OTUD7A: variants seen among roughly 807,000 people sequenced by gnomAD.
OTUD7A encodes the protein OTU domain-containing protein 7A.
In OTUD7A, 12 loss-of-function variants were observed where a neutral mutation model predicts 65.7. The observed-to-expected ratio is 0.18, with a 90% CI of 0.12 to 0.30. The LOEUF (loss-of-function observed/expected upper bound fraction) is 0.30. Among genes scored for constraint, OTUD7A ranks in the 10% least tolerant of loss-of-function variants. OTUD7A has a pLI of 1.00. For synonymous variants in OTUD7A, 641 were observed against 586.3 expected (o/e 1.09, Z -1.35); for missense variants, 1,148 against 1,304.8 (o/e 0.88, Z 1.85).
chr15:31,477,350 G>C lies in OTUD7A; in HGVS notation c.*5944C>G, dbSNP rs1454733444. 6.6e-6 allele frequency: 1 copy of C among 152,282 alleles called. No homozygotes were observed. Among genetic ancestry groups the C allele is most frequent in the African/African-American group, 2.4e-5 (1 of 41,454 alleles). The allele number at this position is 152,282 out of a possible 1,614,324, so 9.4% of individuals were successfully genotyped here. A position where few individuals can be genotyped will look rare whatever the true frequency, so the allele number is the denominator to read the frequency against. On this transcript the variant is annotated 3_prime_UTR_variant, in exon 13 of 13. Coordinates refer to ENST00000307050, the MANE Select transcript of OTUD7A (RefSeq NM_001382637.1). ...TCCAGGTCTACAGTGACCTCATGGAGTGATGGGAACCCACTACTGTGCATC... is the reference window on the plus strand; with the variant it reads ...TCCAGGTCTACAGTGACCTCATGGACTGATGGGAACCCACTACTGTGCATC...
chr15:31,532,795 G>T (rs1245990531), intron 5 of OTUD7A, among the ~76,000 whole-genome samples: 1 of 151,902 alleles, frequency 6.6e-6, no homozygotes, highest in Non-Finnish European at 1.5e-5. Context: ...TTAGCTGGGC[G>T]TGGTGGCGGG....
intron 3 of OTUD7A, among the ~76,000 whole-genome samples, chr15:31,641,347 T>C (rs1270923119): frequency 2.0e-5 from 3 of 152,240 alleles, no homozygotes; most frequent in African/African-American, 4.8e-5. Context: ...GTCTTGGGTA[T>C]TTCTTCATAG....
intron 1 of OTUD7A, among the ~76,000 whole-genome samples, chr15:31,846,543 A>G (rs1276839737): frequency 6.6e-6 from 1 of 152,112 alleles, no homozygotes; most frequent in Non-Finnish European, 1.5e-5. Context: ...CTCGTCTCCA[A>G]TGACCTGCCA....
chr15:31,611,582 A>G (rs1181513273), intron 3 of OTUD7A, among the ~76,000 whole-genome samples: 1 of 152,170 alleles, frequency 6.6e-6, no homozygotes, highest in African/African-American at 2.4e-5. Flanking sequence ...TTCCTGGAAA[A>G]ATACAACCCT....
In OTUD7A at chr15:31,755,387, T is replaced by A. The variant is rs143797601; in HGVS notation, c.-99-98310A>T. Among the ~76,000 whole-genome samples, 172 of 152,138 alleles carry A rather than the reference T, an allele frequency of 1.1e-3. No individual in the cohort carries two copies. In the East Asian group the frequency reaches 0.023, roughly 21 times the overall value. ...GTCCATTAGTATCAGATAGGAAGCA[T>A]CATGTAAGGAAAACCTAAACTGTGC... On this transcript the variant is annotated intron_variant, in intron 1 of 12. Transcript: ENST00000307050.
intron 3 of OTUD7A, among the ~76,000 whole-genome samples, chr15:31,621,413 T>C (rs1890779321): frequency 6.6e-6 from 1 of 152,188 alleles, no homozygotes. Context: ...AGTCTCTTTG[T>C]AGGTCTCTAA....
intron 1 of OTUD7A, among the ~76,000 whole-genome samples, chr15:31,714,429 G>T (rs1387266903): frequency 1.3e-5 from 2 of 152,112 alleles, no homozygotes; most frequent in African/African-American, 2.4e-5. Flanking sequence ...AAAGGAGAAA[G>T]AATAGGGAGA....
chr15:31,591,705 G>A (rs1352496496), intron 3 of OTUD7A, among the ~76,000 whole-genome samples: 1 of 152,118 alleles, frequency 6.6e-6, no homozygotes, highest in East Asian at 1.9e-4. Context: ...TAATATACAT[G>A]TACATGCACA....
At chr15:31,571,173 T>C (rs1282417297) in intron 3 of OTUD7A, among the ~76,000 whole-genome samples, 1 of 152,126 alleles carries the variant, frequency 6.6e-6, no homozygotes. Context: ...TGTATGTATA[T>C]ATCAATACAT....
At chr15:31,724,727 T>C (rs1419549258) in intron 1 of OTUD7A, among the ~76,000 whole-genome samples, 1 of 152,162 alleles carries the variant, frequency 6.6e-6, no homozygotes, top group Non-Finnish European at 1.5e-5. Context: ...GAAACCAATG[T>C]GAAAGGACCA....
rs1334691042 is a variant in OTUD7A, at chr15:31,481,288, A to G, written c.*2006T>C. ...TTAAGGTTGGGTGTCTCAATCTTTT[A>G]AGAGTGACGAGCATGAGGAGTGGCT... On this transcript the variant is annotated 3_prime_UTR_variant, in exon 13 of 13. Transcript: ENST00000307050. 6.6e-6 allele frequency: 1 copy of G among 152,214 alleles called. No homozygotes were observed. The highest frequency in any genetic ancestry group is 1.9e-4 in the East Asian group (1 of 5,194). 9.4% of individuals were successfully genotyped at this position (152,214 alleles called of 1,614,324 possible). A position where few individuals can be genotyped will look rare whatever the true frequency, so the allele number is the denominator to read the frequency against.
intron 3 of OTUD7A, among the ~76,000 whole-genome samples, chr15:31,618,349 G>A (rs1366562637): frequency 2.0e-5 from 3 of 152,312 alleles, no homozygotes; most frequent in East Asian, 1.9e-4. Flanking sequence ...CTGAGGAATC[G>A]CCACACTGTC....
intron 1 of OTUD7A, among the ~76,000 whole-genome samples, chr15:31,799,051 G>A (rs992054326): frequency 1.3e-5 from 2 of 152,218 alleles, no homozygotes; most frequent in African/African-American, 2.4e-5. Context: ...ATTATCTGGA[G>A]ACAGAGATTT....
At chr15:31,628,071 T>G (rs951727629) in intron 3 of OTUD7A, among the ~76,000 whole-genome samples, 10 of 152,324 alleles carry the variant, frequency 6.6e-5, no homozygotes, top group African/African-American at 2.4e-4. Flanking sequence ...TAGTTTCTTT[T>G]GCTGTGCAGA....
chr15:31,823,351 C>T (rs186661380), intron 1 of OTUD7A, among the ~76,000 whole-genome samples: 1 of 152,310 alleles, frequency 6.6e-6, no homozygotes, highest in East Asian at 1.9e-4. Context: ...TAAGAGGGAG[C>T]ATTCCACATG....
At chr15:31,827,083 T>C (rs530965729) in intron 1 of OTUD7A, among the ~76,000 whole-genome samples, 15 of 152,220 alleles carry the variant, frequency 9.9e-5, no homozygotes, top group East Asian at 1.9e-4. Context: ...AGTTCCAAAG[T>C]TGCTTTCACA....
chr15:31,483,671 G>T lies in OTUD7A; in HGVS notation c.2425C>A (p.Arg809Ser). 2 of 1,162,820 alleles carry T rather than the reference G, an allele frequency of 1.7e-6. No individual in the cohort carries two copies. Among genetic ancestry groups the T allele is most frequent in the Non-Finnish European group, 2.1e-6 (2 of 945,022 alleles). 72.0% of individuals were successfully genotyped at this position (1,162,820 alleles called of 1,614,324 possible). A position where few individuals can be genotyped will look rare whatever the true frequency, so the allele number is the denominator to read the frequency against. ...RPCATYPQQNRSLSSQSYSPA... is the reference protein window; with the variant it reads ...RPCATYPQQNSSLSSQSYSPA... Reference sequence around the variant, plus strand: ...CTGTAGCTCTGCGACGACAGCGAGCGGTTCTGCTGCGGGTACGTGGCGCAC... The same window carrying T: ...CTGTAGCTCTGCGACGACAGCGAGCTGTTCTGCTGCGGGTACGTGGCGCAC... The change falls in exon 13 of 13, where the codon CGC (arginine) becomes AGC (serine). Residue 809 changes from arginine (R) to serine (S), a missense_variant. Coordinates refer to ENST00000307050, the MANE Select transcript of OTUD7A (RefSeq NM_001382637.1).
chr15:31,584,315 A>T (rs1421751480), intron 3 of OTUD7A, among the ~76,000 whole-genome samples: 2 of 152,236 alleles, frequency 1.3e-5, no homozygotes, highest in Non-Finnish European at 2.9e-5. Flanking sequence ...ACCTCCTAAG[A>T]ACATAGTATG....
chr15:31,593,666 G>A (rs1225089740), intron 3 of OTUD7A, among the ~76,000 whole-genome samples: 1 of 152,152 alleles, frequency 6.6e-6, no homozygotes, highest in African/African-American at 2.4e-5. Context: ...CTGGGCTGTA[G>A]GGCGGGACCA....
Sources: gnomAD v4.1 joint callset for allele counts (sites outside exome capture counted in the v4.1 genomes callset) on GRCh38, gnomAD v4.1.1 for gene constraint, MANE v1.5 for transcripts, NCBI Gene and HGNC (gene_info 2026-07-23, HGNC 2026-07-21) for gene names.